EPHA5: variants seen among roughly 807,000 people sequenced by gnomAD.
EPHA5 encodes EPH receptor A5.
In EPHA5, 60 loss-of-function variants were observed where a neutral mutation model predicts 105.0. The ratio of observed to expected loss-of-function variants is 0.57; its 90% CI spans 0.46 to 0.71. EPHA5 has a LOEUF of 0.71. Among genes scored for constraint, EPHA5 ranks in the 30% least tolerant of loss-of-function variants. The probability of loss-of-function intolerance (pLI) is 0.00; values close to 1 mark genes in which losing one functional copy is unlikely to be tolerated. For missense variants in EPHA5, 1,218 were observed against 1,274.7 expected (o/e 0.96, Z 0.68); for synonymous variants, 513 against 449.1 (o/e 1.14, Z -1.80).
intron 9 of EPHA5, 116 bp downstream of exon 9, chr4:65,367,241 A>G: frequency 1.1e-6 from 1 of 890,506 alleles, no homozygotes; most frequent in South Asian, 1.8e-5. Flanking sequence ...ACTTTTAAAA[A>G]AAAAAAAAAC....
At chr4:65,590,152 C>A (rs1578511530) in intron 3 of EPHA5, among the ~76,000 whole-genome samples, 1 of 152,152 alleles carries the variant, frequency 6.6e-6, no homozygotes, top group African/African-American at 2.4e-5. Flanking sequence ...CTAATTGTTA[C>A]TTCCTCCAAA....
intron 3 of EPHA5, among the ~76,000 whole-genome samples, chr4:65,550,073 C>T (rs377212249): frequency 6.6e-6 from 1 of 151,534 alleles, no homozygotes; most frequent in African/African-American, 2.4e-5. Flanking sequence ...CACAAAAATC[C>T]TTAGGAATTT....
intron 8 of EPHA5, among the ~76,000 whole-genome samples, chr4:65,371,295 T>G (rs1718442858): frequency 6.6e-6 from 1 of 152,080 alleles, no homozygotes; most frequent in South Asian, 2.1e-4. Flanking sequence ...AAATTATTCA[T>G]AGGCATAACT....
At chr4:65,330,169 T>G (rs1481354145) in intron 16 of EPHA5, among the ~76,000 whole-genome samples, 1 of 151,456 alleles carries the variant, frequency 6.6e-6, no homozygotes, top group Non-Finnish European at 1.5e-5. Flanking sequence ...GTAACTTTAC[T>G]CTTCTGGTCA....
intron 7 of EPHA5, among the ~76,000 whole-genome samples, chr4:65,409,383 T>C (rs1487320522): frequency 8.8e-6 from 1 of 114,258 alleles, no homozygotes; most frequent in East Asian, 2.7e-4. Context: ...AAGAGCTTTG[T>C]AAGCCGGAAA....
chr4:65,458,032 C>T (rs1727767567), intron 5 of EPHA5, among the ~76,000 whole-genome samples: 1 of 135,698 alleles, frequency 7.4e-6, no homozygotes, highest in Non-Finnish European at 1.5e-5. Context: ...CGAGATTACA[C>T]CACTGCACTC....
intron 5 of EPHA5, among the ~76,000 whole-genome samples, chr4:65,446,336 T>G (rs1726528309): frequency 6.6e-6 from 1 of 152,220 alleles, no homozygotes; most frequent in Admixed American, 6.5e-5. Flanking sequence ...ATTTGTTCAT[T>G]TAATCATTAC....
At chr4:65,659,270 G>C (rs1257239901) in intron 1 of EPHA5, among the ~76,000 whole-genome samples, 1 of 130,404 alleles carries the variant, frequency 7.7e-6, no homozygotes, top group Admixed American at 9.1e-5. Context: ...TAGAGTGTCT[G>C]GTCTGGGCTA....
At chr4:65,371,702 TGAATA>T (rs1310803064) in intron 8 of EPHA5, among the ~76,000 whole-genome samples, 1 of 151,962 alleles carries the variant, frequency 6.6e-6, no homozygotes, top group Non-Finnish European at 1.5e-5. Context: ...GAAAGGTAAG[TGAATA>T]GAATAGCCAA....
At chr4:65,523,855 T>C (rs1026757934) in intron 3 of EPHA5, among the ~76,000 whole-genome samples, 1 of 151,822 alleles carries the variant, frequency 6.6e-6, no homozygotes, top group African/African-American at 2.4e-5. Context: ...TCTTCCAACT[T>C]AGAACAAAGA....
rs1249463558 is a variant in EPHA5, at chr4:65,321,886, G to A, written c.*2228C>T. On this transcript the variant is annotated 3_prime_UTR_variant, in exon 17 of 17. Coordinates refer to ENST00000613740, the MANE Select transcript of EPHA5 (RefSeq NM_001281766.3). The stretch of plus-strand genomic sequence containing the variant: ...GGTAATTTTCCTTTTGAATCAATAA[G>A]GCTTTCATTCTGAAGTTTCTCAGTT... 4.4e-6 allele frequency: 1 copy of A among 225,122 alleles called. No homozygotes were observed. Among genetic ancestry groups the A allele is most frequent in the Non-Finnish European group, 8.8e-6 (1 of 113,026 alleles). 13.9% of individuals were successfully genotyped at this position (225,122 alleles called of 1,614,324 possible).
chr4:65,348,437 C>T (rs960345240), intron 13 of EPHA5, among the ~76,000 whole-genome samples: 2 of 151,414 alleles, frequency 1.3e-5, no homozygotes, highest in African/African-American at 4.9e-5. Flanking sequence ...ATACAGAAAC[C>T]ACATCTCAAT....
intron 12 of EPHA5, among the ~76,000 whole-genome samples, chr4:65,352,185 C>A (rs969640684): frequency 6.6e-5 from 10 of 151,978 alleles, no homozygotes; most frequent in African/African-American, 2.4e-4. Flanking sequence ...CTCTAAGAGA[C>A]TGGAGTACTT....
At chr4:65,561,520 A>G (rs1213587929) in intron 3 of EPHA5, among the ~76,000 whole-genome samples, 1 of 152,090 alleles carries the variant, frequency 6.6e-6, no homozygotes, top group Non-Finnish European at 1.5e-5. Flanking sequence ...GTGTTTCTAG[A>G]TTTAGGCTGT....
intron 3 of EPHA5, among the ~76,000 whole-genome samples, chr4:65,575,368 A>G (rs1740790633): frequency 6.6e-6 from 1 of 152,196 alleles, no homozygotes; most frequent in South Asian, 2.1e-4. Flanking sequence ...TGGTATAGGA[A>G]TACTCTGTTC....
At chr4:65,623,336 A>C (rs1427548664) in intron 2 of EPHA5, among the ~76,000 whole-genome samples, 1 of 152,120 alleles carries the variant, frequency 6.6e-6, no homozygotes, top group Non-Finnish European at 1.5e-5. Context: ...TAAGTGAGGG[A>C]AAATCTTTCT....
chr4:65,393,738 A>G (rs961412569), intron 8 of EPHA5, among the ~76,000 whole-genome samples: 1 of 152,182 alleles, frequency 6.6e-6, no homozygotes, highest in African/African-American at 2.4e-5. Flanking sequence ...CAGCTGCAAG[A>G]TCAATAATTT....
At chr4:65,511,452 T>C (rs1291359911) in intron 3 of EPHA5, among the ~76,000 whole-genome samples, 1 of 152,178 alleles carries the variant, frequency 6.6e-6, no homozygotes, top group Non-Finnish European at 1.5e-5. Flanking sequence ...ATATGTATAG[T>C]AATGGTAAGA....
chr4:65,395,865 G>C (rs536074403), intron 8 of EPHA5, among the ~76,000 whole-genome samples: 2 of 152,296 alleles, frequency 1.3e-5, no homozygotes, highest in Non-Finnish European at 2.9e-5. Context: ...GGCAGTGGTG[G>C]CATGTCTGGA....
Sources: gnomAD v4.1 joint callset for allele counts (sites outside exome capture counted in the v4.1 genomes callset) on GRCh38, gnomAD v4.1.1 for gene constraint, MANE v1.5 for transcripts, NCBI Gene and HGNC (gene_info 2026-07-23, HGNC 2026-07-21) for gene names.